SPOP: variants seen among roughly 807,000 people sequenced by gnomAD.
The protein encoded by SPOP is speckle type BTB/POZ protein.
Under a neutral mutation model 45.6 loss-of-function variants are expected in SPOP, and 11 were observed. That is an observed-to-expected ratio of 0.24 (90% CI 0.15 to 0.40). The LOEUF is 0.40. SPOP is among the 10% of genes least tolerant of loss of function. The probability of loss-of-function intolerance (pLI) is 1.00; values close to 1 mark genes in which losing one functional copy is unlikely to be tolerated. For synonymous variants in SPOP, 166 were observed against 166.3 expected, an observed-to-expected ratio of 1.00 and a Z score of 0.01; for missense variants, 152 against 465.6, an observed-to-expected ratio of 0.33 and a Z score of 6.20.
intron 1 of SPOP, among the ~76,000 whole-genome samples, chr17:49,644,206 A>AT (rs1333457843): frequency 6.6e-6 from 1 of 152,196 alleles, no homozygotes; most frequent in African/African-American, 2.4e-5. Context: ...TCTCTAAAAA[A>AT]TTAACTAAAT....
chr17:49,615,418 C>T (rs2072064665), intron 5 of SPOP, among the ~76,000 whole-genome samples: 1 of 152,126 alleles, frequency 6.6e-6, no homozygotes, highest in East Asian at 1.9e-4. Flanking sequence ...TGAACTATTT[C>T]ATGAAGATTT....
chr17:49,647,709 G>C (rs763562150), intron 1 of SPOP, among the ~76,000 whole-genome samples: 12 of 152,134 alleles, frequency 7.9e-5, no homozygotes, highest in Non-Finnish European at 1.8e-4. Context: ...TCAAACTCCT[G>C]ACCTCAAGTG....
At chr17:49,655,771 T>G (rs541444475) in intron 1 of SPOP, among the ~76,000 whole-genome samples, 1 of 152,336 alleles carries the variant, frequency 6.6e-6, no homozygotes, top group East Asian at 1.9e-4. Flanking sequence ...TCACAGCATA[T>G]TCTAACAGCT....
chr17:49,662,255 A>G (rs935984608), intron 1 of SPOP, among the ~76,000 whole-genome samples: 4 of 152,206 alleles, frequency 2.6e-5, no homozygotes, highest in African/African-American at 9.6e-5. Context: ...CTTGAAAAAA[A>G]TGTTAAGCTG....
intron 1 of SPOP, among the ~76,000 whole-genome samples, 183 bp downstream of exon 1, chr17:49,677,750 C>T (rs1025634704): frequency 4.7e-5 from 7 of 147,432 alleles, no homozygotes; most frequent in Admixed American, 3.5e-4. Context: ...GGAGAAGGGA[C>T]GGCTGATTCG....
intron 1 of SPOP, among the ~76,000 whole-genome samples, chr17:49,657,342 C>A (rs1347466901): frequency 6.6e-6 from 1 of 151,972 alleles, no homozygotes; most frequent in Non-Finnish European, 1.5e-5. Flanking sequence ...AGGAATAAAT[C>A]CTAAGGAATC....
At chr17:49,641,284 A>T (rs2072644579) in intron 1 of SPOP, among the ~76,000 whole-genome samples, 1 of 150,812 alleles carries the variant, frequency 6.6e-6, no homozygotes, top group South Asian at 2.1e-4. Context: ...AAAAAAAAAA[A>T]AAAAAAGCAA....
chr17:49,633,491 G>T (rs901241274), intron 1 of SPOP, among the ~76,000 whole-genome samples: 3 of 151,942 alleles, frequency 2.0e-5, no homozygotes, highest in African/African-American at 7.3e-5. Context: ...GTTAAAATAT[G>T]GAATAATTCT....
At chr17:49,621,094 G>A (rs1410932526) in intron 3 of SPOP, among the ~76,000 whole-genome samples, 1 of 152,180 alleles carries the variant, frequency 6.6e-6, no homozygotes, top group East Asian at 1.9e-4. Flanking sequence ...ATCCTCAACT[G>A]CCTGCTCCTC....
At chr17:49,620,971 T>C (rs1164750585) in intron 3 of SPOP, among the ~76,000 whole-genome samples, 1 of 152,172 alleles carries the variant, frequency 6.6e-6, no homozygotes, top group East Asian at 1.9e-4. Context: ...ATGCACAATA[T>C]ATAGCCAAAA....
chr17:49,642,148 C>T (rs2072666963), intron 1 of SPOP, among the ~76,000 whole-genome samples: 1 of 151,572 alleles, frequency 6.6e-6, no homozygotes, highest in Non-Finnish European at 1.5e-5. Flanking sequence ...AACTACTTGA[C>T]AATATGTAGG....
chr17:49,626,841 C>A (rs1168479828), intron 1 of SPOP, among the ~76,000 whole-genome samples: 1 of 152,022 alleles, frequency 6.6e-6, no homozygotes. Flanking sequence ...TGGTCATAAA[C>A]ACTATCTTAC....
chr17:49,665,694 A>C (rs1299478512), intron 1 of SPOP, among the ~76,000 whole-genome samples: 8 of 142,084 alleles, frequency 5.6e-5, no homozygotes, highest in Non-Finnish European at 1.1e-4. Flanking sequence ...ACACACACAC[A>C]CCAATCTGGC....
At chr17:49,630,872 G>A (rs915429576) in intron 1 of SPOP, among the ~76,000 whole-genome samples, 37 of 152,294 alleles carry the variant, frequency 2.4e-4, no homozygotes, top group African/African-American at 8.2e-4. Context: ...ACAACCAACG[G>A]TGTACAGAAA....
intron 1 of SPOP, among the ~76,000 whole-genome samples, chr17:49,629,837 TATCTATG>T (rs2072416176): frequency 2.0e-5 from 3 of 152,362 alleles, no homozygotes; most frequent in Admixed American, 2.0e-4. Context: ...TCATACATGA[TATCTATG>T]AATTAGCCTT....
chr17:49,623,936 CAAT>C (rs1159585433), intron 1 of SPOP, among the ~76,000 whole-genome samples: 1 of 152,124 alleles, frequency 6.6e-6, no homozygotes, highest in Non-Finnish European at 1.5e-5. Flanking sequence ...TCCATCCCAA[CAAT>C]GTCAAATTTC....
chr17:49,610,222 G>GT lies in SPOP; in HGVS notation c.658+1057dup, dbSNP rs1290970553. Among the ~76,000 whole-genome samples, 201 of 151,018 alleles carry GT rather than the reference G, an allele frequency of 1.3e-3. 1 individual carries two copies. Among genetic ancestry groups the GT allele is most frequent in the African/African-American group, 4.6e-3 (188 of 41,162 alleles). The stretch of plus-strand genomic sequence containing the variant: ...AGAGTTATAGACTTCCTTGAGTTTT[G>GT]TTTTTTTTTCCCCCGAGACAGAGTC... On this transcript the variant is annotated intron_variant, in intron 6 of 9. Transcript: ENST00000504102.
chr17:49,666,400 A>G (rs922909025), intron 1 of SPOP, among the ~76,000 whole-genome samples: 4 of 151,826 alleles, frequency 2.6e-5, no homozygotes, highest in African/African-American at 9.7e-5. Flanking sequence ...AGAAAATATA[A>G]GATGAAACCA....
At chr17:49,604,780 G>T (rs2071805879) in intron 8 of SPOP, among the ~76,000 whole-genome samples, 1 of 152,316 alleles carries the variant, frequency 6.6e-6, no homozygotes, top group Non-Finnish European at 1.5e-5. Context: ...GCAGGGCCTA[G>T]AAGGGCAGAC....
Sources: gnomAD v4.1 joint callset for allele counts (sites outside exome capture counted in the v4.1 genomes callset) on GRCh38, gnomAD v4.1.1 for gene constraint, MANE v1.5 for transcripts, NCBI Gene and HGNC (gene_info 2026-07-23, HGNC 2026-07-21) for gene names.